CERS5: variants seen among roughly 807,000 people sequenced by gnomAD.
The protein encoded by CERS5 is ceramide synthase 5.
CERS5 carries 37 observed loss-of-function variants against 58.9 expected under a neutral mutation model. That is an observed-to-expected ratio of 0.63 (90% CI 0.48 to 0.83). CERS5 has a LOEUF of 0.83. Ranked by LOEUF, CERS5 falls within the 40% of genes least tolerant of loss-of-function variation. CERS5 has a pLI of 0.00. For missense variants in CERS5, 398 were observed against 489.3 expected, an observed-to-expected ratio of 0.81 and a Z score of 1.76; for synonymous variants, 147 against 177.8, an observed-to-expected ratio of 0.83 and a Z score of 1.38.
chr12:50,144,382 C>G (rs1952145142), intron 1 of CERS5: 2 of 287,202 alleles, frequency 7.0e-6, no homozygotes, highest in Non-Finnish European at 1.3e-5. Flanking sequence ...TTAACAAGAT[C>G]CCCAGGTGAT....
At chr12:50,148,278 G>A (rs1230008342) in intron 1 of CERS5, among the ~76,000 whole-genome samples, 1 of 151,946 alleles carries the variant, frequency 6.6e-6, no homozygotes, top group African/African-American at 2.4e-5. Flanking sequence ...ACTTCAGCCT[G>A]TGTGATAGAG....
At chr12:50,150,220 A>G (rs1937804817) in intron 1 of CERS5, among the ~76,000 whole-genome samples, 1 of 152,056 alleles carries the variant, frequency 6.6e-6, no homozygotes, top group Admixed American at 6.6e-5. Context: ...AATTAGCTGG[A>G]TGTGGTGGCA....
At chr12:50,149,891 C>T (rs1194103074) in intron 1 of CERS5, among the ~76,000 whole-genome samples, 2 of 152,228 alleles carry the variant, frequency 1.3e-5, no homozygotes, top group South Asian at 2.1e-4. Context: ...TACAGGCGTG[C>T]ACCACCATGC....
chr12:50,152,590 T>A (rs549140629), intron 1 of CERS5, among the ~76,000 whole-genome samples: 2 of 151,378 alleles, frequency 1.3e-5, no homozygotes, highest in African/African-American at 4.8e-5. Context: ...TATTCTGTGA[T>A]AAAATGGATG....
At chr12:50,155,107 C>T (rs1938421480) in intron 1 of CERS5, among the ~76,000 whole-genome samples, 1 of 152,084 alleles carries the variant, frequency 6.6e-6, no homozygotes, top group Admixed American at 6.6e-5. Context: ...ATCCACCCAC[C>T]TAGGCCTCCC....
At chr12:50,141,939 CA>C (rs35739493) in intron 4 of CERS5, 113 bp downstream of exon 4, 33,892 of 401,668 alleles carry the variant, frequency 0.084, 11 homozygotes, top group East Asian at 0.13. Flanking sequence ...GACTCCGTCT[CA>C]AAAAAAAAAA....
intron 4 of CERS5, among the ~76,000 whole-genome samples, chr12:50,140,711 C>G (rs1951926660): frequency 6.6e-6 from 1 of 152,100 alleles, no homozygotes; most frequent in African/African-American, 2.4e-5. Flanking sequence ...TATGGCCCAG[C>G]ATTAGTTTAT....
At position 50,144,028 on chromosome 12, in the gene CERS5, A is replaced by G. The variant is rs749880471; in HGVS notation, c.227T>C (p.Ile76Thr). The change falls in exon 2 of 10, where the codon ATT (isoleucine) becomes ACT (threonine). Residue 76 changes from isoleucine to threonine, a missense_variant. Coordinates refer to ENST00000317551, the MANE Select transcript of CERS5 (RefSeq NM_147190.5). ...ATAAGGACCACTGTCCTCGATGCCA[A>G]TACAGAGTGCACAGGGTTTGGCAAT... is the stretch of plus-strand genomic sequence containing the variant. ...RFIAKPCALC[I>T]GIEDSGPYQA... 2.5e-6 allele frequency: 4 copies of G among 1,612,886 alleles called. No homozygotes were observed. Among genetic ancestry groups the G allele is most frequent in the African/African-American group, 1.3e-5 (1 of 74,914 alleles).
intron 4 of CERS5, among the ~76,000 whole-genome samples, chr12:50,139,676 C>G (rs566455083): frequency 6.6e-6 from 1 of 152,066 alleles, no homozygotes; most frequent in East Asian, 1.9e-4. Flanking sequence ...TCCTGTAGTC[C>G]CAGCTACTAG....
At chr12:50,144,963 G>C (rs1370797883) in intron 1 of CERS5, 3 of 354,138 alleles carry the variant, frequency 8.5e-6, no homozygotes, top group Admixed American at 8.5e-5. Flanking sequence ...GTGAAACCCC[G>C]TCTCTACTAA....
intron 1 of CERS5, among the ~76,000 whole-genome samples, chr12:50,153,404 C>T (rs372745631): frequency 6.6e-6 from 1 of 150,394 alleles, no homozygotes; most frequent in East Asian, 2.0e-4. Context: ...CTCAGCCTCC[C>T]GAGTAGCTGG....
intron 1 of CERS5, chr12:50,165,826 G>C: frequency 2.7e-6 from 1 of 376,598 alleles, no homozygotes; most frequent in South Asian, 2.0e-5. Flanking sequence ...CATTACCTGA[G>C]GCCTATGGCA....
Position 50,135,722 on chromosome 12 carries a change from T to A in CERS5, c.872+10A>T, listed in dbSNP as rs771189691. Reference sequence around the variant, plus strand: ...CATACCTACCACAACTCTACAGCCCTACCACTTACCAGAATGGATAGATTC... The same window carrying A: ...CATACCTACCACAACTCTACAGCCCAACCACTTACCAGAATGGATAGATTC... On this transcript the variant is annotated intron_variant, in intron 8 of 9. Coordinates refer to ENST00000317551, the MANE Select transcript of CERS5 (RefSeq NM_147190.5). 6.3e-7 allele frequency: 1 copy of A among 1,582,326 alleles called. No individual in the cohort carries two copies. Among genetic ancestry groups the A allele is most frequent in the African/African-American group, 1.3e-5 (1 of 74,324 alleles).
At chr12:50,165,112 C>G (rs1009842248) in intron 1 of CERS5, 5 of 151,786 alleles carry the variant, frequency 3.3e-5, no homozygotes, top group African/African-American at 1.2e-4. Context: ...CTAACTACAA[C>G]GATTACACGT....
In CERS5 at chr12:50,130,588, CG is replaced by C; in HGVS notation, c.1135del (p.Arg379GlyfsTer2). ...GCTGCCTCCCATGTGACCATTCACC[CG>C]ATTGGCACCATTGCTGGAGCTACTG... ...CDSSSSNGAN[R>X]VNGHMGGSYW... is the part of the protein sequence containing the mutation. On this transcript the variant is annotated frameshift_variant, in exon 10 of 10. Transcript: ENST00000317551. LOFTEE classifies it high-confidence loss of function. 1 of 1,612,342 alleles carries C rather than the reference CG, an allele frequency of 6.2e-7. No individual in the cohort carries two copies. Among genetic ancestry groups the C allele is most frequent in the African/African-American group, 1.3e-5 (1 of 75,042 alleles).
At chr12:50,158,039 G>C in intron 1 of CERS5, among the ~76,000 whole-genome samples, 1 of 138,578 alleles carries the variant, frequency 7.2e-6, no homozygotes. Context: ...TCCAACTTAG[G>C]TGACAGAGTG....
At chr12:50,144,790 A>C in intron 1 of CERS5, 3 of 1,528,034 alleles carry the variant, frequency 2.0e-6, no homozygotes, top group South Asian at 1.2e-5. Context: ...TGGTTTCATC[A>C]TCTAAAAGAA....
intron 1 of CERS5, among the ~76,000 whole-genome samples, chr12:50,152,287 C>T (rs1404008366): frequency 6.6e-6 from 1 of 152,096 alleles, no homozygotes; most frequent in Non-Finnish European, 1.5e-5. Flanking sequence ...GTACTTTAGA[C>T]CAAATCAAGG....
intron 5 of CERS5, among the ~76,000 whole-genome samples, chr12:50,138,173 A>G (rs757760704): frequency 3.9e-5 from 6 of 152,194 alleles, no homozygotes; most frequent in Non-Finnish European, 8.8e-5. Flanking sequence ...GTTCCTAGAC[A>G]TATTTCCAGT....
Sources: gnomAD v4.1 joint callset for allele counts (sites outside exome capture counted in the v4.1 genomes callset) on GRCh38, gnomAD v4.1.1 for gene constraint, MANE v1.5 for transcripts, NCBI Gene and HGNC (gene_info 2026-07-23, HGNC 2026-07-21) for gene names.